TIA1: variants seen among roughly 807,000 people sequenced by gnomAD.
The protein encoded by TIA1 is TIA1 cytotoxic granule associated RNA binding protein.
In TIA1, 23 loss-of-function variants were observed where a neutral mutation model predicts 65.9. The observed-to-expected ratio is 0.35, with a 90% CI of 0.25 to 0.49. The LOEUF is 0.49. TIA1 is among the 20% of genes least tolerant of loss of function. The pLI, the probability that TIA1 is intolerant of heterozygous loss-of-function variation, is 0.98. For missense variants in TIA1, 371 were observed against 477.9 expected, an observed-to-expected ratio of 0.78 and a Z score of 2.09; for synonymous variants, 147 against 149.4, an observed-to-expected ratio of 0.98 and a Z score of 0.12.
chr2:70,230,650 C>T, intron 3 of TIA1, 106 bp downstream of exon 3: 2 of 789,274 alleles, frequency 2.5e-6, no homozygotes, highest in East Asian at 3.4e-5. Flanking sequence ...AAAATTTCAT[C>T]TCAAAAAAAA....
intron 1 of TIA1, among the ~76,000 whole-genome samples, chr2:70,238,269 T>TTTTG (rs1690007929): frequency 7.8e-6 from 1 of 128,608 alleles, no homozygotes; most frequent in Non-Finnish European, 1.7e-5. Context: ...AGTTTTTTTT[T>TTTTG]TTTTTTTTTT....
At position 70,211,944 on chromosome 2, in the gene TIA1, C is replaced by G. The variant is rs1030312952; in HGVS notation, c.*775G>C. ...GTAACAAGTTTTTGTTTTTATAGTT[C>G]CTGGTACACAGCAAAGTTTATCACG... On this transcript the variant is annotated 3_prime_UTR_variant, in exon 13 of 13. Coordinates refer to ENST00000433529, the MANE Select transcript of TIA1 (RefSeq NM_022173.4). 6.6e-6 allele frequency: 1 copy of G among 152,354 alleles called. No homozygotes were observed. Among genetic ancestry groups the G allele is most frequent in the Non-Finnish European group, 1.5e-5 (1 of 68,010 alleles). The allele number at this position is 152,354 out of a possible 1,614,324, so 9.4% of individuals were successfully genotyped here.
chr2:70,233,940 G>A (rs895400755), intron 2 of TIA1, among the ~76,000 whole-genome samples: 3 of 152,172 alleles, frequency 2.0e-5, no homozygotes, highest in Non-Finnish European at 4.4e-5. Flanking sequence ...GTCTCAGAAT[G>A]TGAACAGACT....
chr2:70,248,542 A>C lies in TIA1; in HGVS notation c.-112T>G, dbSNP rs771236781. On this transcript the variant is annotated 5_prime_UTR_variant, in exon 1 of 13. Coordinates refer to ENST00000433529, the MANE Select transcript of TIA1 (RefSeq NM_022173.4). ...ATAGTGGGGTTTCTCGGCTGACCAG[A>C]GGTTACTCCGCCTCCTCCTCCGGCG... The C allele has an allele frequency of 1.4e-5, 22 of 1,521,168 alleles. No homozygotes were observed. Among genetic ancestry groups the C allele is most frequent in the Non-Finnish European group, 1.9e-5 (21 of 1,117,336 alleles). The allele number at this position is 1,521,168 out of a possible 1,614,324, so 94.2% of individuals were successfully genotyped here. A position where few individuals can be genotyped will look rare whatever the true frequency, so the allele number is the denominator to read the frequency against.
rs1466131503 is a variant in TIA1 at position 70,209,713 on chromosome 2, TGA to T, written c.*3004_*3005del. On this transcript the variant is annotated 3_prime_UTR_variant, in exon 13 of 13. Coordinates refer to ENST00000433529, the MANE Select transcript of TIA1 (RefSeq NM_022173.4). Reference sequence around the variant, plus strand: ...ATTTCGTGAAATAAAGAACATTATTTGAGAGAAAAAAACTGATTTTTTTTAAA... The same window carrying T: ...ATTTCGTGAAATAAAGAACATTATTTGAGAAAAAAACTGATTTTTTTTAAA... 5.0e-6 allele frequency: 2 copies of T among 398,172 alleles called. No homozygotes were observed. Among genetic ancestry groups the T allele is most frequent in the African/African-American group, 4.1e-5 (2 of 48,632 alleles). 24.7% of individuals were successfully genotyped at this position (398,172 alleles called of 1,614,324 possible).
chr2:70,246,029 T>A (rs1249906750), intron 1 of TIA1, among the ~76,000 whole-genome samples: 1 of 151,196 alleles, frequency 6.6e-6, no homozygotes, highest in East Asian at 2.0e-4. Flanking sequence ...GTTCAAGCGA[T>A]TCTCCTTCCT....
intron 6 of TIA1, chr2:70,224,963 A>G: frequency 4.8e-6 from 5 of 1,049,746 alleles, no homozygotes; most frequent in Non-Finnish European, 5.7e-6. Flanking sequence ...ACAGGACATT[A>G]GATGAATGGC....
chr2:70,224,454 G>A, intron 7 of TIA1, 100 bp downstream of exon 7: 3 of 1,509,978 alleles, frequency 2.0e-6, no homozygotes, highest in South Asian at 1.2e-5. Context: ...TTAATCATCA[G>A]TAAAATAAAC....
At position 70,209,460 on chromosome 2, in the gene TIA1, TCA is replaced by T. The variant is rs771673762; in HGVS notation, c.*3257_*3258del. On this transcript the variant is annotated 3_prime_UTR_variant, in exon 13 of 13. Coordinates refer to ENST00000433529, the MANE Select transcript of TIA1 (RefSeq NM_022173.4). ...AAAAACCTATTCAATTGAGACACAC[TCA>T]CACATTTTATTAAGGCTCTTAAATT... 3 of 397,278 alleles carry T rather than the reference TCA, an allele frequency of 7.6e-6. No individual in the cohort carries two copies. Among genetic ancestry groups the T allele is most frequent in the Non-Finnish European group, 8.9e-6 (2 of 225,760 alleles). 24.6% of individuals were successfully genotyped at this position (397,278 alleles called of 1,614,324 possible). A position where few individuals can be genotyped will look rare whatever the true frequency, so the allele number is the denominator to read the frequency against.
At chr2:70,244,266 T>C (rs1413236093) in intron 1 of TIA1, among the ~76,000 whole-genome samples, 1 of 152,164 alleles carries the variant, frequency 6.6e-6, no homozygotes, top group African/African-American at 2.4e-5. Flanking sequence ...TTTATTATTC[T>C]CTATAAATAT....
At chr2:70,236,592 C>G (rs1193003936) in intron 1 of TIA1, among the ~76,000 whole-genome samples, 1 of 151,658 alleles carries the variant, frequency 6.6e-6, no homozygotes, top group Non-Finnish European at 1.5e-5. Flanking sequence ...CCCTGAGTAA[C>G]GGACTAGAGG....
upstream of TIA1, chr2:70,248,631 G>A: frequency 1.4e-6 from 1 of 708,860 alleles, no homozygotes; most frequent in Non-Finnish European, 2.3e-6. Flanking sequence ...ATGGCGGCGA[G>A]CCGGGAGCCT....
intron 2 of TIA1, among the ~76,000 whole-genome samples, chr2:70,232,878 A>C (rs535992202): frequency 3.0e-4 from 46 of 152,218 alleles, no homozygotes; most frequent in South Asian, 6.2e-4. Context: ...AAAAAAAAAA[A>C]CAAAACTTCC....
At chr2:70,214,737 G>C (rs1677880275) in intron 11 of TIA1, among the ~76,000 whole-genome samples, 1 of 152,042 alleles carries the variant, frequency 6.6e-6, no homozygotes, top group Non-Finnish European at 1.5e-5. Context: ...TTTTTGGAAG[G>C]CATCAGTTGA....
intron 2 of TIA1, among the ~76,000 whole-genome samples, chr2:70,235,442 C>G (rs1054119883): frequency 6.6e-6 from 1 of 151,876 alleles, no homozygotes; most frequent in Non-Finnish European, 1.5e-5. Context: ...TCTTTTCCCC[C>G]CAACCAGGAG....
In TIA1 at chr2:70,212,854, G is replaced by C. The variant is rs1211552342; in HGVS notation, c.1035-9C>G. 3.1e-6 allele frequency: 5 copies of C among 1,593,134 alleles called. No individual in the cohort carries two copies. The highest frequency in any genetic ancestry group is 4.3e-6 in the Non-Finnish European group (5 of 1,161,104). ...CAGAAGACTGTGTCTGACTGGTGGA[G>C]AATGTGAAAGAAGCAGAGGGGAGAG... is the stretch of plus-strand genomic sequence containing the variant. On this transcript the variant is annotated splice_polypyrimidine_tract_variant and intron_variant, in intron 12 of 12. Transcript: ENST00000433529.
intron 7 of TIA1, among the ~76,000 whole-genome samples, chr2:70,222,704 A>G (rs1161368776): frequency 6.6e-6 from 1 of 152,242 alleles, no homozygotes; most frequent in African/African-American, 2.4e-5. Context: ...TCACAAGGTC[A>G]GGAGTTTGAG....
In TIA1 at chr2:70,238,260, G is replaced by GTTTTTTTTTT. The variant is rs763865705; in HGVS notation, c.27-2095_27-2086dup. Among the ~76,000 whole-genome samples the GTTTTTTTTTT allele has an allele frequency of 2.3e-4, 22 of 94,616 alleles. 2 individuals carry two copies. Among genetic ancestry groups the GTTTTTTTTTT allele is most frequent in the South Asian group, 3.5e-4 (1 of 2,836 alleles). The allele number at this position is 94,616 out of a possible 152,430, so 62.1% of individuals were successfully genotyped here. A position where few individuals can be genotyped will look rare whatever the true frequency, so the allele number is the denominator to read the frequency against. ...ACTAAGAACATTGACGTTCCCCCAA[G>GTTTTTTTTTT]TTTTTTTTTTTTTTTTTTTTTTTTT... On this transcript the variant is annotated intron_variant, in intron 1 of 12. Coordinates refer to ENST00000433529, the MANE Select transcript of TIA1 (RefSeq NM_022173.4).
At chr2:70,223,297 G>A (rs67035281) in intron 7 of TIA1, among the ~76,000 whole-genome samples, 4 of 151,882 alleles carry the variant, frequency 2.6e-5, no homozygotes, top group Admixed American at 2.6e-4. Context: ...GTAAAGTTTT[G>A]AGAACCAAAT....
Sources: allele counts gnomAD v4.1 joint callset (sites outside exome capture counted in the v4.1 genomes callset), GRCh38; gene constraint gnomAD v4.1.1; transcripts MANE v1.5; gene names NCBI Gene and HGNC (gene_info 2026-07-23, HGNC 2026-07-21).